Variants in COG5 observed in about 807,000 individuals in gnomAD.
COG5 encodes conserved oligomeric Golgi complex subunit 5.
A neutral mutation model predicts 110.4 loss-of-function variants in COG5; 86 were observed. The observed-to-expected ratio is 0.78, with a 90% confidence interval of 0.65 to 0.93. COG5 has a LOEUF of 0.93. Ranked by LOEUF, COG5 falls within the 40% of genes least tolerant of loss-of-function variation. The pLI is 0.00. For synonymous variants in COG5, 360 were observed against 334.6 expected (o/e 1.08, Z -0.83); for missense variants, 1,077 against 987.0 (o/e 1.09, Z -1.22).
In COG5 at chr7:107,474,206, T is replaced by C. The variant is rs934093136; in HGVS notation, c.538+53031A>G. ...CAAGTGTCTCTCACCGGATTTCTTA[T>C]GTTAGAAATTGTGTTGGGACTTGGC... On this transcript the variant is annotated intron_variant, in intron 6 of 21. Coordinates refer to ENST00000297135, the MANE Select transcript of COG5 (RefSeq NM_006348.5). This position sits in a 1 kb window ranked among gnomAD's most constrained non-coding sequence, Gnocchi z 5.7. 4 of 1,613,082 alleles carry C rather than the reference T, an allele frequency of 2.5e-6. No individual in the cohort carries two copies. The highest frequency in any genetic ancestry group is 2.2e-5 in the South Asian group (2 of 91,060).
chr7:107,357,256 A>G (rs922133547), intron 10 of COG5, among the ~76,000 whole-genome samples: 2 of 152,256 alleles, frequency 1.3e-5, no homozygotes, highest in South Asian at 4.1e-4. Context: ...AATATTGAGG[A>G]CCTTATGTGC....
intron 10 of COG5, among the ~76,000 whole-genome samples, chr7:107,358,856 A>G (rs78181351): frequency 0.16 from 24,484 of 152,248 alleles, 2,341 homozygotes; most frequent in Non-Finnish European, 0.22. Context: ...AACTACAGTG[A>G]GAGAGGACTC....
chr7:107,227,348 T>A (rs867622379), intron 19 of COG5, among the ~76,000 whole-genome samples: 3 of 152,230 alleles, frequency 2.0e-5, no homozygotes, highest in Admixed American at 6.5e-5. Flanking sequence ...ATAGAAAGTA[T>A]CTTTTACTGT....
At chr7:107,385,031 T>C (rs1337053720) in intron 7 of COG5, among the ~76,000 whole-genome samples, 2 of 152,240 alleles carry the variant, frequency 1.3e-5, no homozygotes, top group East Asian at 3.8e-4. Flanking sequence ...ACAGCATCTT[T>C]GCACATGTAA....
chr7:107,304,519 A>C (rs900070454), intron 11 of COG5, among the ~76,000 whole-genome samples: 1 of 152,174 alleles, frequency 6.6e-6, no homozygotes, highest in African/African-American at 2.4e-5. Flanking sequence ...GTTTGGAGTT[A>C]TGTCATTTCC....
intron 8 of COG5, among the ~76,000 whole-genome samples, chr7:107,369,575 G>A (rs1347931090): frequency 6.6e-6 from 1 of 151,950 alleles, no homozygotes; most frequent in Non-Finnish European, 1.5e-5. Flanking sequence ...TTTTAGTAGA[G>A]AGGGGGTTTT....
At chr7:107,376,905 T>C (rs1814684334) in intron 7 of COG5, among the ~76,000 whole-genome samples, 1 of 152,178 alleles carries the variant, frequency 6.6e-6, no homozygotes, top group Admixed American at 6.5e-5. Flanking sequence ...AATTATGTTA[T>C]ATTTCTGGAA....
At chr7:107,240,196 G>C (rs1318760864) in intron 17 of COG5, among the ~76,000 whole-genome samples, 2 of 152,146 alleles carry the variant, frequency 1.3e-5, no homozygotes, top group African/African-American at 2.4e-5. Context: ...AAACCATGTT[G>C]ATGATTACTC....
At chr7:107,277,162 G>C (rs889940278) in intron 14 of COG5, among the ~76,000 whole-genome samples, 4 of 152,110 alleles carry the variant, frequency 2.6e-5, no homozygotes, top group African/African-American at 9.7e-5. Context: ...TGTAGATCTT[G>C]ATATATTGTA....
intron 6 of COG5, among the ~76,000 whole-genome samples, chr7:107,482,456 C>T (rs6466172): frequency 0.41 from 61,916 of 151,812 alleles, 13,122 homozygotes; most frequent in Non-Finnish European, 0.47. Flanking sequence ...AATATATATT[C>T]TAATAAGTAC....
intron 6 of COG5, among the ~76,000 whole-genome samples, chr7:107,446,703 G>A (rs750925775): frequency 7.9e-5 from 12 of 152,170 alleles, no homozygotes; most frequent in Non-Finnish European, 1.5e-4. Context: ...CCCTCATGGT[G>A]AGGAATGGAG....
At chr7:107,545,860 C>G (rs574409678) in intron 5 of COG5, among the ~76,000 whole-genome samples, 15 of 150,830 alleles carry the variant, frequency 9.9e-5, no homozygotes, top group African/African-American at 3.4e-4. Context: ...TTTAACTACA[C>G]TCTAAAACAA....
chr7:107,468,446 GGTGT>G (rs1370804987), intron 6 of COG5, among the ~76,000 whole-genome samples: 7 of 148,896 alleles, frequency 4.7e-5, no homozygotes, highest in East Asian at 3.9e-4. Context: ...TGTGTGTTTC[GGTGT>G]GTGTAAGTTT....
intron 8 of COG5, among the ~76,000 whole-genome samples, chr7:107,371,975 C>G (rs1369084069): frequency 6.6e-6 from 1 of 152,116 alleles, no homozygotes; most frequent in Non-Finnish European, 1.5e-5. Flanking sequence ...GTGGTCTTTT[C>G]TATCTTCTTT....
intron 17 of COG5, among the ~76,000 whole-genome samples, chr7:107,247,276 C>T (rs1442295489): frequency 6.6e-6 from 1 of 152,056 alleles, no homozygotes; most frequent in Non-Finnish European, 1.5e-5. Context: ...GGTACTGGGC[C>T]TAATACCTGG....
At chr7:107,356,874 T>C (rs974091700) in intron 10 of COG5, among the ~76,000 whole-genome samples, 3 of 152,182 alleles carry the variant, frequency 2.0e-5, no homozygotes, top group Admixed American at 6.5e-5. Flanking sequence ...TATCAGGATA[T>C]ATCCTTCTTA....
At chr7:107,388,375 GC>G (rs774506782) in intron 7 of COG5, among the ~76,000 whole-genome samples, 9 of 152,068 alleles carry the variant, frequency 5.9e-5, no homozygotes, top group Admixed American at 2.6e-4. Context: ...TTATGGGGTG[GC>G]CCAAAAAATT....
intron 7 of COG5, among the ~76,000 whole-genome samples, chr7:107,385,253 A>G (rs1251045841): frequency 6.6e-6 from 1 of 152,228 alleles, no homozygotes; most frequent in Admixed American, 6.5e-5. Flanking sequence ...ATTCTTCAAG[A>G]GTTCAAGGTG....
chr7:107,515,053 C>T (rs1257002075), intron 6 of COG5, among the ~76,000 whole-genome samples: 1 of 152,076 alleles, frequency 6.6e-6, no homozygotes, highest in East Asian at 1.9e-4. Flanking sequence ...AGCTACAGGG[C>T]TTATGTATAT....
Sources: gnomAD v4.1 joint callset for allele counts (sites outside exome capture counted in the v4.1 genomes callset) on GRCh38, gnomAD v4.1.1 for gene constraint, Gnocchi (gnomAD v3.1) non-coding constraint, MANE v1.5 for transcripts, NCBI Gene and HGNC (gene_info 2026-07-23, HGNC 2026-07-21) for gene names.